Variants in MTHFD1L observed in about 807,000 individuals in gnomAD.
MTHFD1L encodes the protein methylenetetrahydrofolate dehydrogenase (NADP+ dependent) 1 like.
A neutral mutation model predicts 119.5 loss-of-function variants in MTHFD1L; 81 were observed. That is an observed-to-expected ratio of 0.68 (90% CI 0.57 to 0.82). The LOEUF is 0.82. Ranked by LOEUF, MTHFD1L falls within the 40% of genes least tolerant of loss-of-function variation. The pLI is 0.00. For missense variants in MTHFD1L, 1,125 were observed against 1,253.4 expected (o/e 0.90, Z 1.55); for synonymous variants, 430 against 475.2 (o/e 0.90, Z 1.24).
intron 16 of MTHFD1L, among the ~76,000 whole-genome samples, chr6:150,953,584 C>T (rs1420585991): frequency 1.3e-5 from 2 of 152,158 alleles, no homozygotes; most frequent in African/African-American, 4.8e-5. Flanking sequence ...CTTAGGGTTA[C>T]TTTCTAGTAT....
intron 7 of MTHFD1L, among the ~76,000 whole-genome samples, chr6:150,893,691 T>C (rs1041770083): frequency 1.9e-4 from 29 of 152,074 alleles, no homozygotes; most frequent in Non-Finnish European, 3.4e-4. Context: ...ATCTACCATC[T>C]CTTAAACTAC....
chr6:150,964,956 C>A lies in MTHFD1L; in HGVS notation c.1945-13C>A. On this transcript the variant is annotated splice_polypyrimidine_tract_variant and intron_variant, in intron 18 of 27. Transcript: ENST00000367321. The stretch of plus-strand genomic sequence containing the variant: ...ATTTTGTCAGGAATCTAATGTTTTT[C>A]TCTCTCCTGTAGGGGGTGACAGGTG... 1 of 1,612,508 alleles carries A rather than the reference C, an allele frequency of 6.2e-7. No homozygotes were observed. The highest frequency in any genetic ancestry group is 8.5e-7 in the Non-Finnish European group (1 of 1,178,686).
rs771128497 is a variant in MTHFD1L, at chr6:150,949,029, A to G, written c.1624-2A>G. 1.9e-6 allele frequency: 3 copies of G among 1,611,742 alleles called. No homozygotes were observed. The highest frequency in any genetic ancestry group is 1.3e-5 in the African/African-American group (1 of 74,866). On this transcript the variant is annotated splice_acceptor_variant, in intron 15 of 27. Coordinates refer to ENST00000367321, the MANE Select transcript of MTHFD1L (RefSeq NM_015440.5). LOFTEE classifies it high-confidence loss of function. ...CTCACCTTTTTTCTTCTTAATCATT[A>G]GAAACTGGGAATAAATAAGACTGAT...
chr6:151,081,745 G>A (rs867773483), intron 26 of MTHFD1L, among the ~76,000 whole-genome samples: 10 of 152,176 alleles, frequency 6.6e-5, no homozygotes, highest in African/African-American at 1.7e-4. Flanking sequence ...TCCCAGGGTC[G>A]GAGGGGCAAG....
intron 4 of MTHFD1L, among the ~76,000 whole-genome samples, chr6:150,879,434 C>T (rs1296667696): frequency 1.3e-5 from 2 of 151,756 alleles, no homozygotes; most frequent in East Asian, 3.9e-4. Context: ...ATTACAGGCG[C>T]CCGCCACCAT....
At chr6:150,871,134 A>G (rs945031834) in intron 1 of MTHFD1L, among the ~76,000 whole-genome samples, 1 of 142,502 alleles carries the variant, frequency 7.0e-6, no homozygotes, top group African/African-American at 2.7e-5. Context: ...ATATCTTAAT[A>G]TATATATATA....
chr6:151,065,456 AAG>A (rs1791130180), intron 26 of MTHFD1L, among the ~76,000 whole-genome samples: 1 of 152,204 alleles, frequency 6.6e-6, no homozygotes. Flanking sequence ...CTTATTCAGA[AAG>A]AGGGGATGGA....
intron 20 of MTHFD1L, among the ~76,000 whole-genome samples, chr6:150,972,981 A>G (rs1048184055): frequency 2.6e-5 from 4 of 152,356 alleles, no homozygotes; most frequent in African/African-American, 9.6e-5. Flanking sequence ...AGTCTCACCC[A>G]CAATACTAAG....
At chr6:150,936,335 T>C (rs1392001227) in intron 11 of MTHFD1L, among the ~76,000 whole-genome samples, 6 of 152,178 alleles carry the variant, frequency 3.9e-5, no homozygotes, top group Non-Finnish European at 1.5e-5. Context: ...AAGTGGGGAC[T>C]TTAGGGTCCC....
chr6:151,081,702 A>G (rs574719579), intron 26 of MTHFD1L, among the ~76,000 whole-genome samples: 42 of 152,214 alleles, frequency 2.8e-4, no homozygotes, highest in Admixed American at 1.0e-3. Flanking sequence ...ATGTTTTTCT[A>G]CTACACAGCT....
rs187075981 is a variant in MTHFD1L, at chr6:150,908,596, C to T, written c.892+2835C>T. ...GAGCCGAGATTGCACCATTGCACTC[C>T]AGCCTGGATGACAAGAGCTTTTTTT... On this transcript the variant is annotated intron_variant, in intron 8 of 27. Coordinates refer to ENST00000367321, the MANE Select transcript of MTHFD1L (RefSeq NM_015440.5). Among the ~76,000 whole-genome samples, 512 of 149,186 alleles carry T rather than the reference C, an allele frequency of 3.4e-3. 3 individuals are homozygous for T. Among genetic ancestry groups the T allele is most frequent in the African/African-American group, 0.012 (501 of 40,508 alleles).
chr6:150,939,995 CT>C (rs1026897316), intron 13 of MTHFD1L, among the ~76,000 whole-genome samples: 2 of 152,080 alleles, frequency 1.3e-5, no homozygotes, highest in East Asian at 3.9e-4. Flanking sequence ...CTTGCAGACT[CT>C]TTTCCTGTTC....
intron 1 of MTHFD1L, among the ~76,000 whole-genome samples, chr6:150,875,520 T>C (rs542653960): frequency 3.9e-5 from 6 of 152,204 alleles, no homozygotes; most frequent in African/African-American, 1.4e-4. Flanking sequence ...TTGATAGTGT[T>C]ATCAAAGTGG....
intron 7 of MTHFD1L, among the ~76,000 whole-genome samples, chr6:150,890,063 G>A (rs565088697): frequency 1.3e-5 from 2 of 152,196 alleles, no homozygotes; most frequent in South Asian, 4.2e-4. Context: ...GGCTGAGGCA[G>A]GAGAATTGCT....
intron 19 of MTHFD1L, among the ~76,000 whole-genome samples, chr6:150,967,599 C>G (rs562134045): frequency 1.3e-5 from 2 of 152,182 alleles, no homozygotes; most frequent in Admixed American, 6.5e-5. Flanking sequence ...CTCGCTGCTT[C>G]CCTGAAACCT....
chr6:150,887,755 C>A (rs1440369102), intron 6 of MTHFD1L, 90 bp from the exon 7 acceptor site: 5 of 1,394,786 alleles, frequency 3.6e-6, no homozygotes, highest in Non-Finnish European at 4.8e-6. Flanking sequence ...CCACACCCAG[C>A]CTAAAAGGGT....
Position 150,965,660 on chromosome 6 carries a change from GAA to G in MTHFD1L, c.2013+635_2013+636del, listed in dbSNP as rs5880907. ...TGGGCGACAGAGCGAGACTCCGTCT[GAA>G]AAAAAAAAAAAGAGAAAGTCAATGT... On this transcript the variant is annotated intron_variant, in intron 19 of 27. Coordinates refer to ENST00000367321, the MANE Select transcript of MTHFD1L (RefSeq NM_015440.5). 7.6e-5 allele frequency among the ~76,000 whole-genome samples: 11 copies of G among 144,370 alleles called. 1 individual carries two copies. Among genetic ancestry groups the G allele is most frequent in the African/African-American group, 2.5e-4 (10 of 39,426 alleles). 94.7% of individuals were successfully genotyped at this position (144,370 alleles called of 152,430 possible). A position where few individuals can be genotyped will look rare whatever the true frequency, so the allele number is the denominator to read the frequency against.
intron 16 of MTHFD1L, among the ~76,000 whole-genome samples, chr6:150,954,266 G>A (rs1047513149): frequency 6.6e-6 from 1 of 152,218 alleles, no homozygotes; most frequent in Non-Finnish European, 1.5e-5. Flanking sequence ...TGGACAGCTT[G>A]TTATTTGAAG....
At chr6:150,977,902 CTTTT>C (rs11355188) in intron 20 of MTHFD1L, among the ~76,000 whole-genome samples, 3 of 141,100 alleles carry the variant, frequency 2.1e-5, no homozygotes, top group African/African-American at 2.6e-5. Context: ...ATATATACAC[CTTTT>C]TTTTTTTTTT....
Sources: gnomAD v4.1 joint callset for allele counts (sites outside exome capture counted in the v4.1 genomes callset) on GRCh38, gnomAD v4.1.1 for gene constraint, MANE v1.5 for transcripts, NCBI Gene and HGNC (gene_info 2026-07-23, HGNC 2026-07-21) for gene names.